DYNC1H1: variants seen among roughly 807,000 people sequenced by gnomAD.
The protein encoded by DYNC1H1 is dynein cytoplasmic 1 heavy chain 1, also known as cytoplasmic dynein 1 heavy chain 1.
Under a neutral mutation model 527.1 loss-of-function variants are expected in DYNC1H1, and 51 were observed. The ratio of observed to expected loss-of-function variants is 0.10; its 90% CI spans 0.08 to 0.12. The LOEUF is 0.12. DYNC1H1 is among the 10% of genes least tolerant of loss of function. The pLI is 1.00. For synonymous variants in DYNC1H1, 2,189 were observed against 2,278.8 expected (o/e 0.96, Z 1.12); for missense variants, 2,771 against 5,971.8 (o/e 0.46, Z 17.66).
At chr14:102,043,156 G>A (rs775664131) in intron 69 of DYNC1H1, 13 of 324,488 alleles carry the variant, frequency 4.0e-5, no homozygotes, top group African/African-American at 1.1e-4. Context: ...GGTGGCGTGC[G>A]CCTATAATCC....
Position 102,001,053 on chromosome 14 carries a change from G to A in DYNC1H1, c.4174G>A (p.Gly1392Ser). The A allele has an allele frequency of 1.2e-6, 2 of 1,614,138 alleles. No homozygotes were observed. The highest frequency in any genetic ancestry group is 1.7e-6 in the Non-Finnish European group (2 of 1,180,022). ...TGAGTTTGTTCAGAGGCTTCTGAAA[G>A]GTTACATGAAGGTAGGTGGCCAGTA... ...SYEFVQRLLK[G>S]YMKINMLVIE... Residue 1392 changes from glycine (G) to serine (S), a missense_variant, in exon 19 of 78, where the codon GGT becomes AGT. By Grantham distance (56) the Gly-to-Ser change is moderately conservative. This residue lies in a region of DYNC1H1 where 223 missense variants were observed against 462.5 expected (regional missense o/e 0.48). Transcript: ENST00000360184. The surrounding 1 kb of genome is among the most constrained non-coding windows in gnomAD (Gnocchi z 5.0).
Position 102,001,480 on chromosome 14 carries a change from G to GC in DYNC1H1, c.4396-54dup. On this transcript the variant is annotated intron_variant, in intron 20 of 77. Transcript: ENST00000360184. This position sits in a 1 kb window ranked among gnomAD's most constrained non-coding sequence, Gnocchi z 5.0. ...GTTCTTATAATGCTGGGTCCCTTGT[G>GC]CAGGTAGTGAATGCCCACATATTGA... 1 of 1,613,948 alleles carries GC rather than the reference G, an allele frequency of 6.2e-7. No homozygotes were observed. Among genetic ancestry groups the GC allele is most frequent in the Non-Finnish European group, 8.5e-7 (1 of 1,179,850 alleles).
intron 57 of DYNC1H1, chr14:102,037,660 A>G (rs2048593870): frequency 6.5e-6 from 1 of 152,780 alleles, no homozygotes; most frequent in Non-Finnish European, 1.5e-5. Flanking sequence ...GTTTAGGCTT[A>G]TAACCAGGGT....
intron 1 of DYNC1H1, among the ~76,000 whole-genome samples, chr14:101,971,597 A>G (rs2047739613): frequency 6.6e-6 from 1 of 152,086 alleles, no homozygotes; most frequent in Non-Finnish European, 1.5e-5. Context: ...ATGGTGATGC[A>G]CAACTGTATC....
chr14:102,031,741 G>A lies in DYNC1H1; in HGVS notation c.9884-531G>A, dbSNP rs549172218. Among the ~76,000 whole-genome samples the A allele has an allele frequency of 1.5e-3, 230 of 152,254 alleles. 1 individual carries two copies. Among genetic ancestry groups the A allele is most frequent in the African/African-American group, 5.2e-3 (217 of 41,536 alleles). ...AGGCAGGGGCGGGTGGATCACCTGA[G>A]GTCGGGAGTTCAAGACCAGCCTGAC... On this transcript the variant is annotated intron_variant, in intron 51 of 77. Coordinates refer to ENST00000360184, the MANE Select transcript of DYNC1H1 (RefSeq NM_001376.5).
At chr14:101,987,079 G>A (rs1566999553) in intron 8 of DYNC1H1, among the ~76,000 whole-genome samples, 1 of 152,240 alleles carries the variant, frequency 6.6e-6, no homozygotes. Flanking sequence ...TCTCAGCCAC[G>A]AAGGCCTTAC....
chr14:102,000,036 G>A lies in DYNC1H1; in HGVS notation c.3852G>A (p.Glu1284=), dbSNP rs943286768. The change falls in exon 17 of 78, where the codon GAG becomes GAA. Residue 1284 remains glutamate, a synonymous_variant. Transcript: ENST00000360184. ...CACTTCAGGCTCTCACCATATATGA[G>A]GGGAAGTTTGGTAGGCTGAAGGACG... ...EEALQALTIY[E]GKFGRLKDDR... is the part of the protein sequence containing the mutation. 6.2e-7 allele frequency: 1 copy of A among 1,614,228 alleles called. No homozygotes were observed. Among genetic ancestry groups the A allele is most frequent in the East Asian group, 2.2e-5 (1 of 44,890 alleles).
Position 101,979,606 on chromosome 14 carries a change from AC to A in DYNC1H1, c.519-110del. ...ACGCTAGTGAGCCGAGGGGATATAAACCCTGTGTATTAATAAATATGTGTGT... is the reference window on the plus strand; with the variant it reads ...ACGCTAGTGAGCCGAGGGGATATAAACCTGTGTATTAATAAATATGTGTGT... On this transcript the variant is annotated intron_variant, in intron 3 of 77. Transcript: ENST00000360184. The surrounding 1 kb of genome is among the most constrained non-coding windows in gnomAD (Gnocchi z 4.6). 6.2e-7 allele frequency: 1 copy of A among 1,606,494 alleles called. No individual in the cohort carries two copies. The highest frequency in any genetic ancestry group is 8.5e-7 in the Non-Finnish European group (1 of 1,174,964).
At chr14:102,006,933 T>G (rs2048204034) in intron 27 of DYNC1H1, 75 bp from the exon 28 acceptor site, 1 of 1,515,108 alleles carries the variant, frequency 6.6e-7, no homozygotes, top group Non-Finnish European at 9.1e-7. Context: ...TTGCTTTTTG[T>G]AGTTCTTTTA....
chr14:101,978,171 C>T (rs1473969972), intron 2 of DYNC1H1, among the ~76,000 whole-genome samples: 1 of 152,250 alleles, frequency 6.6e-6, no homozygotes, highest in African/African-American at 2.4e-5. Context: ...TCTCCATCAA[C>T]CTCCCGAGTA....
chr14:101,984,450 A>ATATTT, intron 7 of DYNC1H1, among the ~76,000 whole-genome samples: 1 of 69,968 alleles, frequency 1.4e-5, no homozygotes, highest in African/African-American at 6.5e-5. Context: ...TATATATTAT[A>ATATTT]TTTTTTTTTT....
At position 101,988,891 on chromosome 14, in the gene DYNC1H1, A is replaced by G. The variant is rs768101940; in HGVS notation, c.2868+39A>G. 2.7e-5 allele frequency: 43 copies of G among 1,613,286 alleles called. No individual in the cohort carries two copies. The Admixed American group carries it at 7.2e-4, about 27-fold the overall frequency. The stretch of plus-strand genomic sequence containing the variant: ...TGGCATTCTATTTACTAATAAGTGA[A>G]ATAACAAAACTCTCTCGTTAAAAAA... On this transcript the variant is annotated intron_variant, in intron 10 of 77. Transcript: ENST00000360184.
At position 102,001,235 on chromosome 14, in the gene DYNC1H1, G is replaced by T; in HGVS notation, c.4276G>T (p.Val1426Phe). The change falls in exon 20 of 78, where the codon GTT becomes TTT. Residue 1426 changes from valine (V) to phenylalanine (F), a missense_variant. Coordinates refer to ENST00000360184, the MANE Select transcript of DYNC1H1 (RefSeq NM_001376.5). This position sits in a 1 kb window ranked among gnomAD's most constrained non-coding sequence, Gnocchi z 5.0. Reference sequence around the variant, plus strand: ...GAAAAGGCTTCACGTTAATTGGGTTGTTTCTGAGCTAACCCTTGGCCAAAT... The same window carrying T: ...GAAAAGGCTTCACGTTAATTGGGTTTTTTCTGAGCTAACCCTTGGCCAAAT... The part of the protein sequence containing the change: ...LMKRLHVNWV[V>F]SELTLGQIWD... 4.3e-6 allele frequency: 7 copies of T among 1,614,226 alleles called. No individual in the cohort carries two copies. The highest frequency in any genetic ancestry group is 5.9e-6 in the Non-Finnish European group (7 of 1,180,036).
In DYNC1H1 at chr14:101,964,638, C is replaced by A; in HGVS notation, c.-54C>A. 6.5e-7 allele frequency: 1 copy of A among 1,544,650 alleles called. No homozygotes were observed. The highest frequency in any genetic ancestry group is 1.2e-5 in the South Asian group (1 of 85,354). On this transcript the variant is annotated 5_prime_UTR_variant, in exon 1 of 78. Transcript: ENST00000360184. The surrounding 1 kb of genome is among the most constrained non-coding windows in gnomAD (Gnocchi z 5.5). ...CGTTTCTGTCTCTTGCTGGCTGTCT[C>A]GCTGAGTCGCGGCCGCCTTCTCATC...
rs1595624286 is a variant in DYNC1H1 at position 102,029,612 on chromosome 14, A to G, written c.9542A>G (p.Asn3181Ser). The G allele has an allele frequency of 3.7e-6, 6 of 1,614,210 alleles. No homozygotes were observed. Among genetic ancestry groups the G allele is most frequent in the Non-Finnish European group, 5.1e-6 (6 of 1,180,038 alleles). The change falls in exon 49 of 78, where the codon AAT becomes AGT. Residue 3181 changes from asparagine to serine, a missense_variant. By Grantham distance (46) the Asn-to-Ser change is conservative (BLOSUM62 1). Coordinates refer to ENST00000360184, the MANE Select transcript of DYNC1H1 (RefSeq NM_001376.5). The surrounding 1 kb of genome is among the most constrained non-coding windows in gnomAD (Gnocchi z 5.3). ...CCTCGCCACTACCTGGACTTCATCA[A>G]TCACTATGCCAACCTGTTCCACGAG... ...ITPRHYLDFINHYANLFHEKR... is the reference protein window; with the variant it reads ...ITPRHYLDFISHYANLFHEKR...
chr14:102,055,807 C>A lies in DYNC1H1; in HGVS notation c.*5244C>A. 1 of 152,512 alleles carries A rather than the reference C, an allele frequency of 6.6e-6. No homozygotes were observed. 9.4% of individuals were successfully genotyped at this position (152,512 alleles called of 1,614,324 possible). A position where few individuals can be genotyped will look rare whatever the true frequency, so the allele number is the denominator to read the frequency against. On this transcript the variant is annotated 3_prime_UTR_variant, in exon 78 of 78. Coordinates refer to ENST00000360184, the MANE Select transcript of DYNC1H1 (RefSeq NM_001376.5). ...TCTGACTCTAACCTCAAAACATGTC[C>A]AGAATTCAGCCACATCTCCCCACTT...
rs2048665317 is a variant in DYNC1H1 at position 102,042,579 on chromosome 14, T to C, written c.12400-56T>C. 1.9e-6 allele frequency: 3 copies of C among 1,613,634 alleles called. No homozygotes were observed. Reference sequence around the variant, plus strand: ...TGCTGTCGGCACGTGTGTGGTGGAATTGAACAGGCGCCCTCATCCACACCC... The same window carrying C: ...TGCTGTCGGCACGTGTGTGGTGGAACTGAACAGGCGCCCTCATCCACACCC... On this transcript the variant is annotated intron_variant, in intron 68 of 77. Transcript: ENST00000360184. This position sits in a 1 kb window ranked among gnomAD's most constrained non-coding sequence, Gnocchi z 5.7.
intron 5 of DYNC1H1, 91 bp from the exon 6 acceptor site, chr14:101,982,928 C>T: frequency 6.8e-7 from 1 of 1,472,532 alleles, no homozygotes; most frequent in Non-Finnish European, 9.4e-7. Flanking sequence ...TATTTTGCAA[C>T]ATCAAAATGT....
chr14:101,984,575 C>T (rs1463534310), intron 7 of DYNC1H1, among the ~76,000 whole-genome samples: 5 of 148,206 alleles, frequency 3.4e-5, no homozygotes, highest in East Asian at 2.0e-4. Flanking sequence ...CCTCAGCCTC[C>T]GAGTAGCCGG....
Sources: allele counts gnomAD v4.1 joint callset (sites outside exome capture counted in the v4.1 genomes callset), GRCh38; gene constraint gnomAD v4.1.1; regional missense constraint gnomAD v4.1.1; non-coding constraint Gnocchi (gnomAD v3.1); transcripts MANE v1.5; gene names NCBI Gene and HGNC (gene_info 2026-07-23, HGNC 2026-07-21).